The following PREX1 variants were observed in gnomAD, a reference collection of about 807,000 sequenced individuals.
The protein encoded by PREX1 is phosphatidylinositol 3,4,5-trisphosphate-dependent Rac exchanger 1 protein.
Under a neutral mutation model 198.3 loss-of-function variants are expected in PREX1, and 41 were observed. The observed-to-expected ratio is 0.21, with a 90% CI of 0.16 to 0.27. The LOEUF (loss-of-function observed/expected upper bound fraction) is 0.27, where lower values mean the gene tolerates loss of function less well. PREX1 is among the 10% of genes least tolerant of loss of function. The probability of loss-of-function intolerance (pLI) is 1.00; values close to 1 mark genes in which losing one functional copy is unlikely to be tolerated. For missense variants in PREX1, 1,620 were observed against 2,200.7 expected (o/e 0.74, Z 5.28); for synonymous variants, 843 against 887.2 (o/e 0.95, Z 0.89).
At chr20:48,634,524 T>G in intron 33 of PREX1, 152 bp downstream of exon 33, 1 of 615,318 alleles carries the variant, frequency 1.6e-6, no homozygotes, top group Non-Finnish European at 2.8e-6. Context: ...CTCACACTCA[T>G]GTTGGAGGCA....
chr20:48,710,556 A>G (rs1361655971), intron 5 of PREX1, among the ~76,000 whole-genome samples: 2 of 152,242 alleles, frequency 1.3e-5, no homozygotes, highest in Non-Finnish European at 2.9e-5. Flanking sequence ...CGTTTGTCCA[A>G]GGTCACACAG....
intron 1 of PREX1, among the ~76,000 whole-genome samples, chr20:48,803,834 C>G (rs1156606456): frequency 6.6e-6 from 1 of 152,196 alleles, no homozygotes; most frequent in African/African-American, 2.4e-5. Context: ...AAGGTCAGGC[C>G]AGGGAACACC....
intron 29 of PREX1, among the ~76,000 whole-genome samples, chr20:48,640,142 C>T (rs567196990): frequency 1.4e-4 from 22 of 152,326 alleles, no homozygotes; most frequent in African/African-American, 5.1e-4. Context: ...CAAGACTCCC[C>T]ACAGCTATAG....
At chr20:48,831,422 G>A (rs2123103041), upstream of PREX1, among the ~76,000 whole-genome samples, 1 of 152,280 alleles carries the variant, frequency 6.6e-6, no homozygotes, top group African/African-American at 2.4e-5. Context: ...ATAAGTGTCG[G>A]CCACAAGCAT....
chr20:48,691,093 T>C lies in PREX1; in HGVS notation c.1040A>G (p.Asp347Gly). The change falls in exon 9 of 40, where the codon GAT becomes GGT. Residue 347 changes from aspartate (D) to glycine (G), a missense_variant. This residue lies in a region of PREX1 where 488 missense variants were observed against 802.5 expected (regional missense o/e 0.61). Transcript: ENST00000371941. This position sits in a 1 kb window ranked among gnomAD's most constrained non-coding sequence, Gnocchi z 5.0. Reference sequence around the variant, plus strand: ...GACGGTATAGCCGTTGCTATGGTAATCCGCTGGTGGGGGCAGGAGGCAAAG... The same window carrying C: ...GACGGTATAGCCGTTGCTATGGTAACCCGCTGGTGGGGGCAGGAGGCAAAG... ...EVENVEDGTA[D>G]YHSNGYTVTN... 1 of 1,614,188 alleles carries C rather than the reference T, an allele frequency of 6.2e-7. No individual in the cohort carries two copies. The highest frequency in any genetic ancestry group is 8.5e-7 in the Non-Finnish European group (1 of 1,180,026).
At chr20:48,743,718 G>A (rs563762460) in intron 3 of PREX1, among the ~76,000 whole-genome samples, 2 of 152,344 alleles carry the variant, frequency 1.3e-5, no homozygotes, top group Admixed American at 6.5e-5. Flanking sequence ...CCGTTTATGG[G>A]TAAAAGGACA....
At chr20:48,837,246 T>C in the PREX1 span, among the ~76,000 whole-genome samples, 1 of 152,184 alleles carries the variant, frequency 6.6e-6, no homozygotes. Context: ...GTTTAACCAC[T>C]GTGGGAAGCA....
At chr20:48,725,571 C>A (rs1178538359) in intron 5 of PREX1, among the ~76,000 whole-genome samples, 1 of 152,260 alleles carries the variant, frequency 6.6e-6, no homozygotes, top group Non-Finnish European at 1.5e-5. Flanking sequence ...TGCCCTCACC[C>A]TGCCTTCCAC....
At chr20:48,722,538 T>C (rs138806621) in intron 5 of PREX1, among the ~76,000 whole-genome samples, 86 of 152,284 alleles carry the variant, frequency 5.6e-4, no homozygotes, top group African/African-American at 1.9e-3. Context: ...GTGGTAATGG[T>C]TGCACAACCC....
At chr20:48,713,780 T>C (rs1040341543) in intron 5 of PREX1, among the ~76,000 whole-genome samples, 3 of 147,460 alleles carry the variant, frequency 2.0e-5, no homozygotes, top group African/African-American at 7.5e-5. Flanking sequence ...GATAGGTTGA[T>C]AGGTGCAGCA....
At chr20:48,714,138 GA>G in intron 5 of PREX1, among the ~76,000 whole-genome samples, 1 of 152,088 alleles carries the variant, frequency 6.6e-6, no homozygotes, top group East Asian at 1.9e-4. Flanking sequence ...AACTGTCAGA[GA>G]AAACACAGGA....
chr20:48,667,067 T>C, intron 14 of PREX1, among the ~76,000 whole-genome samples: 1 of 152,108 alleles, frequency 6.6e-6, no homozygotes, highest in Non-Finnish European at 1.5e-5. Flanking sequence ...CCCTTGTCCC[T>C]GGCCCTTTCT....
At chr20:48,718,254 G>A (rs1021625183) in intron 5 of PREX1, among the ~76,000 whole-genome samples, 1 of 152,188 alleles carries the variant, frequency 6.6e-6, no homozygotes, top group African/African-American at 2.4e-5. Context: ...TACACCTCTT[G>A]CTCCCACTTC....
At chr20:48,780,295 C>A (rs929687392) in intron 1 of PREX1, among the ~76,000 whole-genome samples, 3 of 152,078 alleles carry the variant, frequency 2.0e-5, no homozygotes, top group Admixed American at 6.6e-5. Flanking sequence ...GCCAGAATAT[C>A]TTGTGGTTAG....
chr20:48,652,844 GCA>G (rs1440887638), intron 20 of PREX1, 138 bp from the exon 21 acceptor site: 6 of 1,059,442 alleles, frequency 5.7e-6, no homozygotes, highest in African/African-American at 1.6e-5. Flanking sequence ...CCCTCACCGT[GCA>G]CAGTCTATGC....
chr20:48,747,709 G>A lies in PREX1; in HGVS notation c.291+100C>T, dbSNP rs192790544. The A allele has an allele frequency of 2.6e-4, 338 of 1,317,164 alleles. 1 individual carries two copies. The African/African-American group carries it at 4.5e-3, about 18-fold the overall frequency. The allele number at this position is 1,317,164 out of a possible 1,614,324, so 81.6% of individuals were successfully genotyped here. ...GCGGCCAGCAGCCAGCGGGTGATGCGCCTCCCCCTGCATGCACACCCTCTG... is the reference window on the plus strand; with the variant it reads ...GCGGCCAGCAGCCAGCGGGTGATGCACCTCCCCCTGCATGCACACCCTCTG... On this transcript the variant is annotated intron_variant, in intron 2 of 39. Transcript: ENST00000371941.
chr20:48,882,364 T>C, the PREX1 span, among the ~76,000 whole-genome samples: 1 of 151,356 alleles, frequency 6.6e-6, no homozygotes, highest in Non-Finnish European at 1.5e-5. Context: ...TAGCCGGGTG[T>C]GGTGGCGGGC....
intron 1 of PREX1, among the ~76,000 whole-genome samples, chr20:48,802,715 T>C (rs1178832825): frequency 6.6e-6 from 1 of 152,222 alleles, no homozygotes. Flanking sequence ...GTTTCCCCCA[T>C]GCCTGGCACA....
intron 1 of PREX1, among the ~76,000 whole-genome samples, chr20:48,759,703 G>A (rs1028936383): frequency 1.3e-5 from 2 of 152,034 alleles, no homozygotes; most frequent in African/African-American, 4.8e-5. Flanking sequence ...TCTATAACGG[G>A]GGATAAAATG....
Sources: gnomAD v4.1 joint callset for allele counts (sites outside exome capture counted in the v4.1 genomes callset) on GRCh38, gnomAD v4.1.1 for gene constraint, gnomAD v4.1.1 regional missense constraint, Gnocchi (gnomAD v3.1) non-coding constraint, MANE v1.5 for transcripts, NCBI Gene and HGNC (gene_info 2026-07-23, HGNC 2026-07-21) for gene names.